Variants in MTO1 observed in about 807,000 individuals in gnomAD.
MTO1 encodes the protein 5-taurinomethyluridine-[tRNA] synthase subunit MTO1, mitochondrial.
Under a neutral mutation model 71.6 loss-of-function variants are expected in MTO1, and 46 were observed. That is an observed-to-expected ratio of 0.64 (90% confidence interval 0.51 to 0.82). MTO1 has a LOEUF of 0.82. Among genes scored for constraint, MTO1 ranks in the 40% least tolerant of loss-of-function variants. The pLI, the probability that MTO1 is intolerant of heterozygous loss-of-function variation, is 0.00. For missense variants in MTO1, 773 were observed against 867.5 expected, an observed-to-expected ratio of 0.89 and a Z score of 1.37; for synonymous variants, 297 against 312.1, an observed-to-expected ratio of 0.95 and a Z score of 0.51.
chr6:73,492,022 A>G, intron 9 of MTO1: 1 of 403,958 alleles, frequency 2.5e-6, no homozygotes, highest in Non-Finnish European at 4.6e-6. Flanking sequence ...GAATTGCTTG[A>G]ACCCAGCAGG....
In MTO1 at chr6:73,461,991, A is replaced by T; in HGVS notation, c.137A>T (p.His46Leu). 4.3e-6 allele frequency: 7 copies of T among 1,614,134 alleles called. No individual in the cohort carries two copies. The highest frequency in any genetic ancestry group is 5.9e-6 in the Non-Finnish European group (7 of 1,180,016). Residue 46 changes from histidine (H) to leucine (L), a missense_variant, in exon 1 of 12, where the codon CAT becomes CTT. His to Leu is a moderately conservative substitution (Grantham distance 99, BLOSUM62 -3). Transcript: ENST00000498286. The stretch of plus-strand genomic sequence containing the variant: ...GACGTGATAGTCATTGGTGGAGGAC[A>T]TGCCGGGACTGAGGCAGCCACCGCC... ...HFDVIVIGGG[H>L]AGTEAATAAA...
At chr6:73,499,702 A>G (rs184755668) in intron 11 of MTO1, among the ~76,000 whole-genome samples, 24 of 152,272 alleles carry the variant, frequency 1.6e-4, no homozygotes, top group Admixed American at 5.9e-4. Flanking sequence ...GTTGGACAGC[A>G]CTGGTCATAG....
At chr6:73,489,585 T>A (rs1771750071) in intron 9 of MTO1, among the ~76,000 whole-genome samples, 1 of 152,124 alleles carries the variant, frequency 6.6e-6, no homozygotes, top group Non-Finnish European at 1.5e-5. Flanking sequence ...GGTTTCCAGC[T>A]TCATCCATGT....
intron 9 of MTO1, chr6:73,486,573 A>C (rs544282188): frequency 1.8e-5 from 8 of 439,834 alleles, no homozygotes; most frequent in South Asian, 4.8e-5. Context: ...CCTCGTCTCT[A>C]CTAAAAAATA....
At chr6:73,486,684 G>C in intron 9 of MTO1, 1 of 373,684 alleles carries the variant, frequency 2.7e-6, no homozygotes. Context: ...GTTGCAGTGA[G>C]CCGAGATCAA....
At chr6:73,470,830 G>A (rs1437340677) in intron 3 of MTO1, among the ~76,000 whole-genome samples, 2 of 152,150 alleles carry the variant, frequency 1.3e-5, no homozygotes, top group Admixed American at 6.5e-5. Flanking sequence ...GCTCACGCCT[G>A]TAGTCCCAGC....
chr6:73,489,284 T>C (rs1177567391), intron 9 of MTO1, among the ~76,000 whole-genome samples: 1 of 150,284 alleles, frequency 6.7e-6, no homozygotes, highest in Admixed American at 6.6e-5. Context: ...TTTTCTTTTT[T>C]TTTTTTGTAT....
At chr6:73,475,614 G>C (rs571452581) in intron 4 of MTO1, among the ~76,000 whole-genome samples, 1 of 151,190 alleles carries the variant, frequency 6.6e-6, no homozygotes, top group East Asian at 2.0e-4. Context: ...TCACGGGTTC[G>C]AGCAATTCTC....
At chr6:73,478,860 C>G (rs1771405465) in intron 4 of MTO1, among the ~76,000 whole-genome samples, 1 of 151,174 alleles carries the variant, frequency 6.6e-6, no homozygotes, top group African/African-American at 2.4e-5. Context: ...GCAAGGAGTC[C>G]CTGGGTGGGC....
rs986939142 is a variant in MTO1, at chr6:73,482,498, T to C, written c.1515T>C (p.Cys505=). ...CCCAACAACGATATGAAAGAGCTTG[T>C]TGGATGAAGTCTTCTTTAGAAGAAG... ...CVSQQRYERA[C]WMKSSLEEGI... is the part of the protein sequence containing the mutation. Residue 505 remains cysteine, a synonymous_variant, in exon 9 of 12, where the codon TGT becomes TGC. Transcript: ENST00000498286. 2.5e-6 allele frequency: 4 copies of C among 1,613,334 alleles called. No homozygotes were observed. The highest frequency in any genetic ancestry group is 2.7e-5 in the African/African-American group (2 of 74,902).
rs1335849435 is a variant in MTO1 at position 73,466,203 on chromosome 6, C to G, written c.218-6C>G. 6.2e-7 allele frequency: 1 copy of G among 1,607,162 alleles called. No homozygotes were observed. The highest frequency in any genetic ancestry group is 8.5e-7 in the Non-Finnish European group (1 of 1,173,872). On this transcript the variant is annotated splice_region_variant and splice_polypyrimidine_tract_variant and intron_variant, in intron 1 of 11. Coordinates refer to ENST00000498286, the MANE Select transcript of MTO1 (RefSeq NM_012123.4). ...TATTTATTTTGTTTATGTCTATTATCTTTAGGTCAGATGTCATGTAATCCT... is the reference window on the plus strand; with the variant it reads ...TATTTATTTTGTTTATGTCTATTATGTTTAGGTCAGATGTCATGTAATCCT...
At chr6:73,483,681 G>A (rs561240791) in intron 9 of MTO1, among the ~76,000 whole-genome samples, 4 of 151,780 alleles carry the variant, frequency 2.6e-5, no homozygotes, top group South Asian at 2.1e-4. Flanking sequence ...GCAATGGTGC[G>A]ATCTCGGCTC....
chr6:73,470,999 A>G (rs1582675195), intron 3 of MTO1, among the ~76,000 whole-genome samples: 2 of 151,968 alleles, frequency 1.3e-5, no homozygotes, highest in South Asian at 4.2e-4. Flanking sequence ...TGTCCCCTCA[A>G]CCAGCCAGTT....
chr6:73,492,966 A>ATGTGTGTGTGTGTGTGTGTGTGTGTGTG (rs1161293835), intron 10 of MTO1, among the ~76,000 whole-genome samples: 1 of 42,866 alleles, frequency 2.3e-5, no homozygotes, highest in African/African-American at 8.8e-5. Flanking sequence ...TATATATAAT[A>ATGTGTGTGTGTGTGTGTGTGTGTGTGTG]TATGTGTGTG....
intron 9 of MTO1, among the ~76,000 whole-genome samples, chr6:73,485,831 T>C (rs1192706118): frequency 6.6e-6 from 1 of 152,238 alleles, no homozygotes; most frequent in Non-Finnish European, 1.5e-5. Context: ...ACTTGCTGCA[T>C]ACATGCCAGA....
intron 9 of MTO1, among the ~76,000 whole-genome samples, chr6:73,490,275 T>C (rs532836328): frequency 3.3e-5 from 5 of 152,200 alleles, no homozygotes; most frequent in Non-Finnish European, 7.3e-5. Flanking sequence ...TTTTGCTGTG[T>C]ATGAGCTCTT....
At chr6:73,475,801 C>T (rs187459618) in intron 4 of MTO1, among the ~76,000 whole-genome samples, 13 of 152,118 alleles carry the variant, frequency 8.5e-5, no homozygotes, top group African/African-American at 2.9e-4. Flanking sequence ...TGTGAGCCAT[C>T]GCACCCAACT....
At position 73,473,504 on chromosome 6, in the gene MTO1, G is replaced by A. The variant is rs1206251694; in HGVS notation, c.675G>A (p.Leu225=). The A allele has an allele frequency of 6.2e-7, 1 of 1,614,050 alleles. No individual in the cohort carries two copies. Among genetic ancestry groups the A allele is most frequent in the Non-Finnish European group, 8.5e-7 (1 of 1,180,018 alleles). Residue 225 remains leucine (L), a synonymous_variant, in exon 4 of 12, where the codon CTG becomes CTA. Transcript: ENST00000498286. ...CTTCTATAGGATTGGCTCAGACACT[G>A]GAGAAGTTAGGGTTTGTGGTGGGAA... ...DQPSIGLAQT[L]EKLGFVVGRL...
intron 4 of MTO1, among the ~76,000 whole-genome samples, chr6:73,478,198 A>G (rs940036289): frequency 1.3e-5 from 2 of 151,590 alleles, no homozygotes; most frequent in Non-Finnish European, 2.9e-5. Context: ...GTGAGCAGAG[A>G]TGATGCCACT....
Sources: allele counts gnomAD v4.1 joint callset (sites outside exome capture counted in the v4.1 genomes callset), GRCh38; gene constraint gnomAD v4.1.1; transcripts MANE v1.5; gene names NCBI Gene and HGNC (gene_info 2026-07-23, HGNC 2026-07-21).